Variants in PRKCD observed in about 807,000 individuals in gnomAD.
The protein encoded by PRKCD is protein kinase C delta, also known as protein kinase C delta type.
Under a neutral mutation model 82.2 loss-of-function variants are expected in PRKCD, and 20 were observed. That is an observed-to-expected ratio of 0.24 (90% CI 0.17 to 0.35). The LOEUF is 0.35. Ranked by LOEUF, PRKCD falls within the 10% of genes least tolerant of loss-of-function variation. The pLI is 1.00. For synonymous variants in PRKCD, 317 were observed against 337.0 expected, an observed-to-expected ratio of 0.94 and a Z score of 0.65; for missense variants, 607 against 899.0, an observed-to-expected ratio of 0.68 and a Z score of 4.15.
At position 53,185,560 on chromosome 3, in the gene PRKCD, T is replaced by A. The variant is rs187262136; in HGVS notation, c.889-44T>A. ...CTTCCTTCTGGGCTGGGAGTTCTGATAATGGTCTGACCATCTGGCCCCCCA... is the reference window on the plus strand; with the variant it reads ...CTTCCTTCTGGGCTGGGAGTTCTGAAAATGGTCTGACCATCTGGCCCCCCA... On this transcript the variant is annotated intron_variant, in intron 10 of 18. Coordinates refer to ENST00000330452, the MANE Select transcript of PRKCD (RefSeq NM_006254.4). 3.2e-5 allele frequency: 49 copies of A among 1,539,950 alleles called. No homozygotes were observed. The East Asian group carries it at 1.0e-3, about 33-fold the overall frequency.
chr3:53,190,079 C>G (rs782682567), intron 18 of PRKCD, 78 bp downstream of exon 18: 6 of 1,568,158 alleles, frequency 3.8e-6, no homozygotes, highest in Admixed American at 1.7e-5. Flanking sequence ...ATCATTCACA[C>G]GCTTTCCACC....
Position 53,179,684 on chromosome 3 carries a change from C to T in PRKCD, c.223C>T (p.Arg75Trp), listed in dbSNP as rs1328750300. Reference protein sequence around the residue: ...EGRVIQIVLMRAAEEPVSEVT... With the variant: ...EGRVIQIVLMWAAEEPVSEVT... ...GCGCGTCATCCAGATTGTGCTAATG[C>T]GGGCAGCAGAGGAGCCAGTGTCTGA... The change falls in exon 4 of 19, where the codon CGG (arginine) becomes TGG (tryptophan). Residue 75 changes from arginine to tryptophan, a missense_variant. Coordinates refer to ENST00000330452, the MANE Select transcript of PRKCD (RefSeq NM_006254.4). The T allele has an allele frequency of 7.4e-6, 12 of 1,611,516 alleles. No homozygotes were observed. Among genetic ancestry groups the T allele is most frequent in the Middle Eastern group, 1.7e-4 (1 of 6,060 alleles).
chr3:53,186,660 C>T lies in PRKCD; in HGVS notation c.1317C>T (p.Ile439=). ...ACGGGGGGGACCTGATGTACCACAT[C>T]CAGGACAAAGGCCGCTTTGAACTCT... ...FLNGGDLMYH[I]QDKGRFELYR... Residue 439 remains isoleucine, a synonymous_variant, in exon 14 of 19, where the codon ATC becomes ATT. Coordinates refer to ENST00000330452, the MANE Select transcript of PRKCD (RefSeq NM_006254.4). The T allele has an allele frequency of 6.2e-7, 1 of 1,614,030 alleles. No individual in the cohort carries two copies. The highest frequency in any genetic ancestry group is 8.5e-7 in the Non-Finnish European group (1 of 1,179,908).
chr3:53,161,614 T>C (rs2107209259), intron 1 of PRKCD, 186 bp downstream of exon 1: 1 of 151,494 alleles, frequency 6.6e-6, no homozygotes, highest in South Asian at 2.1e-4. Context: ...GTCCCTCCGC[T>C]AGACAGTGGG....
At chr3:53,187,465 G>A in intron 15 of PRKCD, 63 bp downstream of exon 15, 1 of 1,564,012 alleles carries the variant, frequency 6.4e-7, no homozygotes, top group Non-Finnish European at 8.8e-7. Context: ...CATATCTTCT[G>A]AAATGCTCCA....
In PRKCD at chr3:53,183,657, G is replaced by T. The variant is rs56223332; in HGVS notation, c.787+76G>T. 6 of 1,567,878 alleles carry T rather than the reference G, an allele frequency of 3.8e-6. No homozygotes were observed. The East Asian group carries it at 1.4e-4, about 36-fold the overall frequency. ...CTGCTGTGAATTCCAGCCACCTCAC[G>T]CCACCCTCGCCTCCTCACCTGGAGA... On this transcript the variant is annotated intron_variant, in intron 9 of 18. Transcript: ENST00000330452.
intron 14 of PRKCD, 49 bp downstream of exon 14, chr3:53,186,744 C>T (rs1703710461): frequency 1.3e-6 from 2 of 1,490,956 alleles, no homozygotes; most frequent in Non-Finnish European, 9.2e-7. Context: ...GGAAGGGCTA[C>T]TGGCTCAGAG....
chr3:53,185,061 C>T (rs2107273918), intron 10 of PRKCD, 87 bp downstream of exon 10: 1 of 1,220,104 alleles, frequency 8.2e-7, no homozygotes, highest in Non-Finnish European at 1.2e-6. Flanking sequence ...GAGCCACAGA[C>T]AGCCAGGATA....
At position 53,179,601 on chromosome 3, in the gene PRKCD, A is replaced by C. The variant is rs1553666756; in HGVS notation, c.140A>C (p.Lys47Thr). 6.2e-7 allele frequency: 1 copy of C among 1,614,222 alleles called. No individual in the cohort carries two copies. The highest frequency in any genetic ancestry group is 8.5e-7 in the Non-Finnish European group (1 of 1,180,040). ...STERGKTLVQ[K>T]KPTMYPEWKS... Reference sequence around the variant, plus strand: ...GAGCGTGGGAAAACACTGGTGCAGAAGAAGCCGACCATGTATCCTGAGTGG... The same window carrying C: ...GAGCGTGGGAAAACACTGGTGCAGACGAAGCCGACCATGTATCCTGAGTGG... The change falls in exon 4 of 19, where the codon AAG becomes ACG. Residue 47 changes from lysine to threonine, a missense_variant. Lys to Thr is a moderately conservative substitution (Grantham distance 78, BLOSUM62 -1). Coordinates refer to ENST00000330452, the MANE Select transcript of PRKCD (RefSeq NM_006254.4).
rs74485893 is a variant in PRKCD, at chr3:53,186,286, A to G, written c.1206A>G (p.Thr402=). ...CCATGGTTGAGAAGCGGGTGCTGAC[A>G]CTTGCCGCAGAGAATCCCTTTCTCA... ...ECTMVEKRVL[T]LAAENPFLTH... is the part of the protein sequence containing the mutation. Residue 402 remains threonine (T), a synonymous_variant, in exon 13 of 19, where the codon ACA becomes ACG. Coordinates refer to ENST00000330452, the MANE Select transcript of PRKCD (RefSeq NM_006254.4). The G allele has an allele frequency of 4.8e-5, 78 of 1,614,050 alleles. No homozygotes were observed. Among genetic ancestry groups the G allele is most frequent in the Non-Finnish European group, 6.5e-5 (77 of 1,180,018 alleles).
At chr3:53,186,761 TC>T in intron 14 of PRKCD, 66 bp downstream of exon 14, 1 of 1,429,502 alleles carries the variant, frequency 7.0e-7, no homozygotes, top group Non-Finnish European at 9.7e-7. Context: ...AGAGCCCACT[TC>T]CAGTCTGCCC....
chr3:53,168,639 C>T (rs531146356), intron 2 of PRKCD, among the ~76,000 whole-genome samples: 1 of 151,838 alleles, frequency 6.6e-6, no homozygotes, highest in African/African-American at 2.4e-5. Flanking sequence ...GTGTGGTGTC[C>T]TGTGAGACAT....
intron 1 of PRKCD, among the ~76,000 whole-genome samples, chr3:53,163,508 T>C (rs1702742442): frequency 6.6e-6 from 1 of 152,028 alleles, no homozygotes. Flanking sequence ...TTATTTGGGC[T>C]CCAATACTTG....
rs533575521 is a variant in PRKCD, at chr3:53,175,553, C to T, written c.-19-2851C>T. On this transcript the variant is annotated intron_variant, in intron 2 of 18. Transcript: ENST00000330452. ...CCAAGGCAACGTTGGTGTCAGGATGCAGCACCCAGGCGGCCTGGCCATCAT... is the reference window on the plus strand; with the variant it reads ...CCAAGGCAACGTTGGTGTCAGGATGTAGCACCCAGGCGGCCTGGCCATCAT... 7.9e-5 allele frequency among the ~76,000 whole-genome samples: 12 copies of T among 152,286 alleles called. 1 individual carries two copies. In the South Asian group the frequency reaches 2.5e-3, roughly 32 times the overall value.
At chr3:53,183,732 C>T in intron 9 of PRKCD, 151 bp downstream of exon 9, 1 of 1,169,518 alleles carries the variant, frequency 8.6e-7, no homozygotes, top group African/African-American at 1.5e-5. Flanking sequence ...GGTGGACCCT[C>T]CCCACTGGCC....
intron 2 of PRKCD, among the ~76,000 whole-genome samples, chr3:53,168,517 A>C (rs1457054054): frequency 1.3e-5 from 2 of 152,118 alleles, no homozygotes; most frequent in Non-Finnish European, 2.9e-5. Flanking sequence ...TTCTGCAGGC[A>C]TCAGACAGAC....
intron 2 of PRKCD, among the ~76,000 whole-genome samples, chr3:53,165,498 TA>T (rs1298606687): frequency 2.6e-5 from 4 of 152,230 alleles, no homozygotes; most frequent in Admixed American, 2.6e-4. Flanking sequence ...CAAAAAGTAG[TA>T]ACGCTTTTTT....
At chr3:53,181,792 T>G (rs782416535) in intron 7 of PRKCD, 60 bp downstream of exon 7, 17 of 1,610,644 alleles carry the variant, frequency 1.1e-5, no homozygotes, top group Non-Finnish European at 1.4e-5. Flanking sequence ...CGTGTGCCAG[T>G]GCCTGTGTGT....
At position 53,185,989 on chromosome 3, in the gene PRKCD, A is replaced by G. The variant is rs782177317; in HGVS notation, c.1048A>G (p.Ile350Val). The G allele has an allele frequency of 1.9e-6, 3 of 1,614,196 alleles. No individual in the cohort carries two copies. In the South Asian group the frequency reaches 3.3e-5, roughly 18 times the overall value. Residue 350 changes from isoleucine (I) to valine (V), a missense_variant, in exon 12 of 19, where the codon ATC becomes GTC. Ile to Val is a conservative substitution (Grantham distance 29, BLOSUM62 3). Around this residue, in one of 5 missense-constraint regions of PRKCD, gnomAD observed 85 missense variants for 76.1 expected, o/e 1.12. Coordinates refer to ENST00000330452, the MANE Select transcript of PRKCD (RefSeq NM_006254.4). Reference sequence around the variant, plus strand: ...CAGCAAGTGCAACATCAACAACTTCATCTTCCACAAGGTCCTGGGCAAAGG... The same window carrying G: ...CAGCAAGTGCAACATCAACAACTTCGTCTTCCACAAGGTCCTGGGCAAAGG... ...GSSKCNINNF[I>V]FHKVLGKGSF...
Sources: allele counts gnomAD v4.1 joint callset (sites outside exome capture counted in the v4.1 genomes callset), GRCh38; gene constraint gnomAD v4.1.1; regional missense constraint gnomAD v4.1.1; transcripts MANE v1.5; gene names NCBI Gene and HGNC (gene_info 2026-07-23, HGNC 2026-07-21).